The following DMD variants were observed in gnomAD, a reference collection of about 807,000 sequenced individuals.
DMD encodes mutant dystrophin.
DMD carries 63 observed loss-of-function variants against 330.1 expected under a neutral mutation model. The observed-to-expected ratio is 0.19, with a 90% confidence interval of 0.16 to 0.24. The LOEUF (loss-of-function observed/expected upper bound fraction) is 0.24. Among genes scored for constraint, DMD ranks in the 10% least tolerant of loss-of-function variants. The pLI is 1.00. For synonymous variants in DMD, 1,223 were observed against 959.8 expected (o/e 1.27, Z -5.07); for missense variants, 3,344 against 2,684.1 (o/e 1.25, Z -5.43).
chrX:31,696,106 T>A (rs1358736557), intron 52 of DMD, among the ~76,000 whole-genome samples: 1 of 111,302 alleles, frequency 9.0e-6, no homozygotes, highest in Non-Finnish European at 1.9e-5. Flanking sequence ...GTAATTCCAC[T>A]CCCAGGTGTA....
chrX:32,533,121 T>C (rs2047633895), intron 17 of DMD, among the ~76,000 whole-genome samples: 1 of 111,065 alleles, frequency 9.0e-6, no homozygotes, highest in African/African-American at 3.3e-5. Context: ...CCCTTCCCAG[T>C]CTATGAAACC....
At chrX:32,812,868 A>T (rs2406193) in intron 6 of DMD, among the ~76,000 whole-genome samples, 1 of 111,858 alleles carries the variant, frequency 8.9e-6, no homozygotes, top group East Asian at 2.8e-4. Flanking sequence ...GGGACTTTTA[A>T]GTTCACTATG....
intron 41 of DMD, among the ~76,000 whole-genome samples, chrX:32,339,088 C>A (rs2097729159): frequency 9.0e-6 from 1 of 111,649 alleles, no homozygotes; most frequent in African/African-American, 3.3e-5. Context: ...TGCATTGAGC[C>A]TGCATAACGC....
intron 1 of DMD, among the ~76,000 whole-genome samples, chrX:33,151,972 A>G (rs1478004460): frequency 8.9e-6 from 1 of 111,865 alleles, no homozygotes; most frequent in Non-Finnish European, 1.9e-5. Context: ...TCTTTTAATA[A>G]CAGTGCTTTA....
chrX:33,255,754 G>A (rs1239104010), intron 1 of DMD, among the ~76,000 whole-genome samples: 1 of 110,644 alleles, frequency 9.0e-6, no homozygotes, highest in East Asian at 2.8e-4. Flanking sequence ...TCCTTTAATT[G>A]AATCATTTAT....
chrX:31,219,979 G>A (rs779453079), intron 64 of DMD, among the ~76,000 whole-genome samples: 35 of 111,004 alleles, frequency 3.2e-4, no homozygotes, highest in Non-Finnish European at 5.3e-4. Context: ...GTTTAAATAC[G>A]TTTCGATACA....
At chrX:32,194,705 G>A (rs762402131) in intron 44 of DMD, among the ~76,000 whole-genome samples, 3 of 111,774 alleles carry the variant, frequency 2.7e-5, no homozygotes, top group African/African-American at 6.5e-5. Flanking sequence ...AGAGAAACAC[G>A]TGCAAAGGCC....
intron 43 of DMD, among the ~76,000 whole-genome samples, chrX:32,252,880 A>C (rs1603629288): frequency 1.4e-5 from 1 of 73,910 alleles, no homozygotes; most frequent in Non-Finnish European, 2.3e-5. Context: ...ATATATAAAA[A>C]TATATATAAA....
At chrX:31,845,418 T>C (rs2093407383) in intron 48 of DMD, among the ~76,000 whole-genome samples, 1 of 87,645 alleles carries the variant, frequency 1.1e-5, no homozygotes, top group African/African-American at 4.7e-5. Flanking sequence ...TCTCTCTCTC[T>C]CTCTCTCCCT....
intron 44 of DMD, among the ~76,000 whole-genome samples, chrX:32,144,975 G>A (rs1403540844): frequency 7.2e-5 from 8 of 111,519 alleles, no homozygotes; most frequent in African/African-American, 2.6e-4. Flanking sequence ...TAGAGGTTGT[G>A]GTGAGCCGAG....
chrX:32,059,812 G>A (rs962952733), intron 44 of DMD, among the ~76,000 whole-genome samples: 8 of 111,314 alleles, frequency 7.2e-5, no homozygotes, highest in Non-Finnish European at 1.5e-4. Context: ...TAAGATACCT[G>A]AAATATGAAT....
chrX:32,293,398 T>G lies in DMD; in HGVS notation c.6118-5697A>C, dbSNP rs373343833. Among the ~76,000 whole-genome samples the G allele has an allele frequency of 1.3e-4, 15 of 111,118 alleles. No homozygotes were observed. The East Asian group carries it at 4.3e-3, about 32-fold the overall frequency. ...GGAGATGAGTATCCCTAAAGAATAA[T>G]AGTCATCAGACCCAGGAAGAGAACC... is the stretch of plus-strand genomic sequence containing the variant. On this transcript the variant is annotated intron_variant, in intron 42 of 78. Transcript: ENST00000357033.
At chrX:32,369,242 C>A (rs2097864254) in intron 34 of DMD, among the ~76,000 whole-genome samples, 1 of 111,448 alleles carries the variant, frequency 9.0e-6, no homozygotes, top group Non-Finnish European at 1.9e-5. Flanking sequence ...ACTTCTTAGC[C>A]ATAATTTGTA....
intron 2 of DMD, among the ~76,000 whole-genome samples, chrX:32,990,794 T>C (rs1279140333): frequency 9.0e-6 from 1 of 111,442 alleles, no homozygotes; most frequent in Non-Finnish European, 1.9e-5. Context: ...TTTGAAAGCG[T>C]ACCAAAAAGT....
rs141316736 is a variant in DMD, at chrX:32,609,807, C to T, written c.1482+4496G>A. Among the ~76,000 whole-genome samples, 627 of 110,924 alleles carry T rather than the reference C, an allele frequency of 5.7e-3. 20 individuals are homozygous for T. The Admixed American group carries it at 0.057, about 10-fold the overall frequency. On this transcript the variant is annotated intron_variant, in intron 12 of 78. Transcript: ENST00000357033. ...AATATAGAGTATATATTCACATCGG[C>T]AAATTCTTGTAATTTGTAAAGTCTT...
chrX:33,002,623 G>A lies in DMD; in HGVS notation c.93+17516C>T, dbSNP rs182380799. 2.0e-3 allele frequency among the ~76,000 whole-genome samples: 225 copies of A among 110,173 alleles called. 2 individuals carry two copies. Among genetic ancestry groups the A allele is most frequent in the African/African-American group, 7.1e-3 (215 of 30,311 alleles). On this transcript the variant is annotated intron_variant, in intron 2 of 78. Transcript: ENST00000357033. Reference sequence around the variant, plus strand: ...AAAGTTGCACTTCTGTGCAAAGACTGGGCCCGCAATCAGTCTGATTGGTTG... The same window carrying A: ...AAAGTTGCACTTCTGTGCAAAGACTAGGCCCGCAATCAGTCTGATTGGTTG...
intron 62 of DMD, among the ~76,000 whole-genome samples, chrX:31,293,216 T>TAGTCTGGTTTA (rs1569519886): frequency 2.1e-5 from 2 of 94,341 alleles, no homozygotes; most frequent in South Asian, 4.9e-4. Flanking sequence ...TGTGTGTGTG[T>TAGTCTGGTTTA]GTGTGTGTGT....
chrX:32,568,412 G>A (rs536149512), intron 15 of DMD, among the ~76,000 whole-genome samples: 1 of 108,780 alleles, frequency 9.2e-6, no homozygotes. Flanking sequence ...GGAAGCTGAG[G>A]CAAGGAATCG....
At position 32,265,293 on chromosome X, in the gene DMD, T is replaced by C. The variant is rs960190449; in HGVS notation, c.6290+22236A>G. ...GCTACAGAGGGTGCAAGCCCCAAGA[T>C]TTGGCAGCTTCCATGTGGTGTTGAG... On this transcript the variant is annotated intron_variant, in intron 43 of 78. Transcript: ENST00000357033. 4.4e-5 allele frequency among the ~76,000 whole-genome samples: 5 copies of C among 112,546 alleles called. No individual in the cohort carries two copies. The East Asian group carries it at 1.4e-3, about 32-fold the overall frequency.
Sources: allele counts gnomAD v4.1 joint callset (sites outside exome capture counted in the v4.1 genomes callset), GRCh38; gene constraint gnomAD v4.1.1; transcripts MANE v1.5; gene names NCBI Gene and HGNC (gene_info 2026-07-23, HGNC 2026-07-21).